C5: variants seen among roughly 807,000 people sequenced by gnomAD.
C5 encodes the protein C3 and PZP-like alpha-2-macroglobulin domain-containing protein 4.
C5 carries 140 observed loss-of-function variants against 218.8 expected under a neutral mutation model. That is an observed-to-expected ratio of 0.64 (90% CI 0.56 to 0.74). The LOEUF (loss-of-function observed/expected upper bound fraction) is 0.74. Ranked by LOEUF, C5 falls within the 30% of genes least tolerant of loss-of-function variation. The probability of loss-of-function intolerance (pLI) is 0.00; values close to 1 mark genes in which losing one functional copy is unlikely to be tolerated. For synonymous variants in C5, 614 were observed against 682.3 expected (o/e 0.90, Z 1.56); for missense variants, 1,700 against 1,969.6 (o/e 0.86, Z 2.59).
Position 121,020,005 on chromosome 9 carries a change from T to C in C5, c.1477A>G (p.Ile493Val), listed in dbSNP as rs1224206630. 8 of 1,608,592 alleles carry C rather than the reference T, an allele frequency of 5.0e-6. No individual in the cohort carries two copies. The highest frequency in any genetic ancestry group is 1.1e-5 in the South Asian group (1 of 90,974). Residue 493 changes from isoleucine (I) to valine (V), a missense_variant, in exon 12 of 41, where the codon ATT becomes GTT. Transcript: ENST00000223642. Reference sequence around the variant, plus strand: ...TAATTATAGTGAGTTATTTTGTCAATATATGGGCTTTTGGGGGTAACAATA... The same window carrying C: ...TAATTATAGTGAGTTATTTTGTCAACATATGGGCTTTTGGGGGTAACAATA... The part of the protein sequence containing the change: ...NIIVTPKSPY[I>V]DKITHYNYLI...
At chr9:120,971,632 T>C (rs2046914829) in intron 31 of C5, among the ~76,000 whole-genome samples, 2 of 152,036 alleles carry the variant, frequency 1.3e-5, no homozygotes, top group African/African-American at 4.8e-5. Flanking sequence ...ACAGACGGGG[T>C]TTCACCGTGT....
chr9:121,040,162 A>G (rs1199494052), intron 3 of C5, among the ~76,000 whole-genome samples: 2 of 152,256 alleles, frequency 1.3e-5, no homozygotes, highest in African/African-American at 2.4e-5. Flanking sequence ...TGCCTTTAGA[A>G]GGATCTGTGA....
chr9:120,956,462 G>A (rs1275665384), intron 39 of C5, among the ~76,000 whole-genome samples: 3 of 152,078 alleles, frequency 2.0e-5, no homozygotes, highest in African/African-American at 7.2e-5. Flanking sequence ...CTCATGGATA[G>A]GAAGAATTAA....
chr9:120,987,981 C>T (rs917880112), intron 25 of C5, among the ~76,000 whole-genome samples: 7 of 152,030 alleles, frequency 4.6e-5, no homozygotes, highest in South Asian at 4.1e-4. Flanking sequence ...TTCATAGAGA[C>T]GGGGTTTCAC....
intron 12 of C5, among the ~76,000 whole-genome samples, chr9:121,018,740 G>GGAAGGAAAGAAA (rs2047335610): frequency 1.2e-5 from 1 of 85,240 alleles, no homozygotes; most frequent in African/African-American, 5.9e-5. Flanking sequence ...AAGGAAGGAA[G>GGAAGGAAAGAAA]GAAAGGAAGG....
At position 121,015,185 on chromosome 9, in the gene C5, G is replaced by C; in HGVS notation, c.2059+14C>G. 1 of 1,554,796 alleles carries C rather than the reference G, an allele frequency of 6.4e-7. No individual in the cohort carries two copies. Among genetic ancestry groups the C allele is most frequent in the Non-Finnish European group, 8.9e-7 (1 of 1,127,786 alleles). On this transcript the variant is annotated intron_variant, in intron 16 of 40. Coordinates refer to ENST00000223642, the MANE Select transcript of C5 (RefSeq NM_001735.3). ...GACCATAACCTTTTTACAATCACAT[G>C]AATCTTACAGTACCTATTTCTTCTA...
intron 4 of C5, among the ~76,000 whole-genome samples, chr9:121,037,194 C>G (rs1006417485): frequency 2.6e-5 from 4 of 151,262 alleles, no homozygotes; most frequent in African/African-American, 9.7e-5. Context: ...AAATATAGTT[C>G]TTTTGCACAT....
At chr9:121,002,471 C>G (rs563601097) in intron 20 of C5, among the ~76,000 whole-genome samples, 1 of 151,336 alleles carries the variant, frequency 6.6e-6, no homozygotes, top group East Asian at 1.9e-4. Context: ...CTGTTATGGC[C>G]ACCTATTTAT....
At position 121,021,715 on chromosome 9, in the gene C5, A is replaced by C. The variant is rs10985127; in HGVS notation, c.1117-21T>G. 2.4e-3 allele frequency: 3,832 copies of C among 1,595,268 alleles called. 10 individuals are homozygous for C. Among genetic ancestry groups the C allele is most frequent in the Non-Finnish European group, 3.1e-3 (3,613 of 1,163,154 alleles). On this transcript the variant is annotated intron_variant, in intron 10 of 40. Transcript: ENST00000223642. ...TGCACCTGTTTGTCAAAACAATCCA[A>C]ATCTATTTCAACAGCTCATCACTTA...
chr9:120,956,965 C>T (rs2046789403), intron 39 of C5: 1 of 347,628 alleles, frequency 2.9e-6, no homozygotes, highest in South Asian at 2.3e-5. Flanking sequence ...ACCAAACCCC[C>T]AAAACATGCA....
At chr9:121,012,727 A>G (rs1200981618) in intron 17 of C5, among the ~76,000 whole-genome samples, 1 of 152,206 alleles carries the variant, frequency 6.6e-6, no homozygotes, top group African/African-American at 2.4e-5. Context: ...GCGTACTTAC[A>G]CTAATCTAGA....
chr9:121,009,911 C>G (rs2047247836), intron 17 of C5, among the ~76,000 whole-genome samples: 1 of 152,234 alleles, frequency 6.6e-6, no homozygotes, highest in Non-Finnish European at 1.5e-5. Flanking sequence ...CGGTGGAAAG[C>G]AGAACCAGGC....
intron 21 of C5, 50 bp from the exon 22 acceptor site, chr9:120,996,350 C>T (rs767714445): frequency 1.3e-6 from 2 of 1,494,944 alleles, no homozygotes; most frequent in Non-Finnish European, 1.9e-6. Context: ...TTTATATAAC[C>T]TGAATTCCCT....
At chr9:121,040,986 T>C (rs1487269142) in intron 3 of C5, among the ~76,000 whole-genome samples, 2 of 151,240 alleles carry the variant, frequency 1.3e-5, no homozygotes, top group Admixed American at 6.6e-5. Context: ...TCTTGCTCTG[T>C]TGCCCAGGCT....
chr9:120,974,019 C>T (rs1294707227), intron 30 of C5, among the ~76,000 whole-genome samples: 1 of 152,060 alleles, frequency 6.6e-6, no homozygotes, highest in Admixed American at 6.6e-5. Context: ...TTAACAAACA[C>T]CAATTTGTGA....
At chr9:121,025,125 C>T (rs773761620) in intron 9 of C5, among the ~76,000 whole-genome samples, 4 of 152,106 alleles carry the variant, frequency 2.6e-5, no homozygotes, top group Non-Finnish European at 5.9e-5. Context: ...ATTTTCACCA[C>T]GTGAGGACAC....
At chr9:121,032,251 C>A (rs1431141852) in intron 5 of C5, 56 bp from the exon 6 acceptor site, 3 of 993,868 alleles carry the variant, frequency 3.0e-6, no homozygotes, top group African/African-American at 3.2e-5. Context: ...TTAATTCACT[C>A]AGAGGAGATC....
chr9:120,981,219 T>C (rs1392744628), intron 27 of C5, among the ~76,000 whole-genome samples: 1 of 152,196 alleles, frequency 6.6e-6, no homozygotes, highest in Non-Finnish European at 1.5e-5. Flanking sequence ...TAGTCTTCAT[T>C]GATTATTTTG....
the C5 span, among the ~76,000 whole-genome samples, chr9:121,071,515 T>G: frequency 6.6e-6 from 1 of 152,078 alleles, no homozygotes; most frequent in South Asian, 2.1e-4. Flanking sequence ...CAAGACCCCA[T>G]CTTTACAAAA....
Sources: gnomAD v4.1 joint callset for allele counts (sites outside exome capture counted in the v4.1 genomes callset) on GRCh38, gnomAD v4.1.1 for gene constraint, MANE v1.5 for transcripts, NCBI Gene and HGNC (gene_info 2026-07-23, HGNC 2026-07-21) for gene names.